REST: variants seen among roughly 807,000 people sequenced by gnomAD.
The protein encoded by REST is RE1 silencing transcription factor, also known as RE1-silencing transcription factor.
REST carries 1 observed loss-of-function variant against 30.4 expected under a neutral mutation model. That is an observed-to-expected ratio of 0.03 (90% CI 0.01 to 0.16). The LOEUF (loss-of-function observed/expected upper bound fraction) is 0.16, where lower values mean the gene tolerates loss of function less well. Ranked by LOEUF, REST falls within the 10% of genes least tolerant of loss-of-function variation. REST has a pLI of 1.00. For synonymous variants in REST, 504 were observed against 451.1 expected, an observed-to-expected ratio of 1.12 and a Z score of -1.49; for missense variants, 1,259 against 1,329.5, an observed-to-expected ratio of 0.95 and a Z score of 0.82.
At chr4:56,922,418 A>C (rs973044732) in intron 3 of REST, 3 of 151,340 alleles carry the variant, frequency 2.0e-5, no homozygotes, top group African/African-American at 7.3e-5. Flanking sequence ...GGTTCAAGCG[A>C]TTCTCCTGCC....
chr4:56,916,005 G>A (rs972208315), intron 2 of REST, among the ~76,000 whole-genome samples: 1 of 152,186 alleles, frequency 6.6e-6, no homozygotes, highest in African/African-American at 2.4e-5. Flanking sequence ...GGAGGATGAG[G>A]CAGGAGAATC....
At position 56,933,794 on chromosome 4, in the gene REST, A is replaced by T. The variant is rs753717050; in HGVS notation, c.*1642A>T. 1 of 152,176 alleles carries T rather than the reference A, an allele frequency of 6.6e-6. No individual in the cohort carries two copies. The highest frequency in any genetic ancestry group is 1.5e-5 in the Non-Finnish European group (1 of 68,020). 9.4% of individuals were successfully genotyped at this position (152,176 alleles called of 1,614,324 possible). On this transcript the variant is annotated 3_prime_UTR_variant, in exon 4 of 4. Coordinates refer to ENST00000309042, the MANE Select transcript of REST (RefSeq NM_005612.5). ...TTGCAGTAAAATAAAATATGATCCC[A>T]TTAGGGAATCTTGAATTCTGACCTC...
chr4:56,915,452 G>A (rs886511278), intron 2 of REST, among the ~76,000 whole-genome samples: 1 of 151,754 alleles, frequency 6.6e-6, no homozygotes, highest in Admixed American at 6.6e-5. Flanking sequence ...GTTTCACCAT[G>A]TTGGCCAGGC....
Position 56,907,994 on chromosome 4 carries a change from C to T in REST, c.-229C>T, listed in dbSNP as rs1719698030. On this transcript the variant is annotated 5_prime_UTR_variant, in exon 1 of 4. Transcript: ENST00000309042. ...CGCCGCCGAGGCCCGGGGCCCCAGACCCTGGCGGCGGCTGCCGCAGCCGAG... is the reference window on the plus strand; with the variant it reads ...CGCCGCCGAGGCCCGGGGCCCCAGATCCTGGCGGCGGCTGCCGCAGCCGAG... 2.7e-6 allele frequency: 1 copy of T among 367,758 alleles called. No homozygotes were observed. The highest frequency in any genetic ancestry group is 4.8e-6 in the Non-Finnish European group (1 of 206,318). 22.8% of individuals were successfully genotyped at this position (367,758 alleles called of 1,614,324 possible). A position where few individuals can be genotyped will look rare whatever the true frequency, so the allele number is the denominator to read the frequency against.
In REST at chr4:56,934,507, G is replaced by A. The variant is rs898273196; in HGVS notation, c.*2355G>A. The A allele has an allele frequency of 3.9e-5, 6 of 152,126 alleles. No individual in the cohort carries two copies. The highest frequency in any genetic ancestry group is 1.4e-4 in the African/African-American group (6 of 41,446). 9.4% of individuals were successfully genotyped at this position (152,126 alleles called of 1,614,324 possible). A position where few individuals can be genotyped will look rare whatever the true frequency, so the allele number is the denominator to read the frequency against. ...TTGTTACTGGAAATTTATTGGACTT[G>A]AGGCCTTCCTCCAGAAAATAAGGAC... On this transcript the variant is annotated 3_prime_UTR_variant, in exon 4 of 4. Coordinates refer to ENST00000309042, the MANE Select transcript of REST (RefSeq NM_005612.5).
At chr4:56,923,824 C>T (rs180761886) in intron 3 of REST, among the ~76,000 whole-genome samples, 25 of 151,992 alleles carry the variant, frequency 1.6e-4, no homozygotes, top group South Asian at 1.0e-3. Context: ...TAGGTTCAAG[C>T]GATTCTCCTG....
intron 3 of REST, among the ~76,000 whole-genome samples, chr4:56,926,861 C>A (rs1720734104): frequency 1.3e-5 from 2 of 151,744 alleles, no homozygotes; most frequent in South Asian, 4.2e-4. Flanking sequence ...CTTTGGGAGG[C>A]CGAGGAGGGT....
In REST at chr4:56,933,906, A is replaced by G. The variant is rs1215531115; in HGVS notation, c.*1754A>G. On this transcript the variant is annotated 3_prime_UTR_variant, in exon 4 of 4. Coordinates refer to ENST00000309042, the MANE Select transcript of REST (RefSeq NM_005612.5). ...TGAGGCAGGTTTCAGATTTGGCAGT[A>G]CAACATGAAAGATTAGGAAAAGCAT... The G allele has an allele frequency of 6.6e-6, 1 of 152,224 alleles. No homozygotes were observed. The highest frequency in any genetic ancestry group is 1.5e-5 in the Non-Finnish European group (1 of 68,030). 9.4% of individuals were successfully genotyped at this position (152,224 alleles called of 1,614,324 possible). A position where few individuals can be genotyped will look rare whatever the true frequency, so the allele number is the denominator to read the frequency against.
rs1006283329 is a variant in REST, at chr4:56,932,527, C to T, written c.*375C>T. On this transcript the variant is annotated 3_prime_UTR_variant, in exon 4 of 4. Coordinates refer to ENST00000309042, the MANE Select transcript of REST (RefSeq NM_005612.5). The stretch of plus-strand genomic sequence containing the variant: ...TTTATTGAGATCTATAAAAAATTGG[C>T]TTACTTAATAGCAAATTACTTGAAG... 1.9e-5 allele frequency: 3 copies of T among 159,588 alleles called. No individual in the cohort carries two copies. Among genetic ancestry groups the T allele is most frequent in the African/African-American group, 7.2e-5 (3 of 41,600 alleles). 9.9% of individuals were successfully genotyped at this position (159,588 alleles called of 1,614,324 possible).
At chr4:56,923,289 G>A (rs930069746) in intron 3 of REST, among the ~76,000 whole-genome samples, 2 of 152,134 alleles carry the variant, frequency 1.3e-5, no homozygotes, top group Non-Finnish European at 2.9e-5. Context: ...TGTTGTTTTT[G>A]GAGTTGGGGA....
chr4:56,928,591 T>C (rs1432451451), intron 3 of REST, among the ~76,000 whole-genome samples: 2 of 150,634 alleles, frequency 1.3e-5, no homozygotes, highest in Non-Finnish European at 3.0e-5. Flanking sequence ...AATTTTTTTT[T>C]TTTTTTCTTT....
chr4:56,909,102 G>A (rs1050754822), intron 1 of REST: 2 of 152,304 alleles, frequency 1.3e-5, no homozygotes, highest in African/African-American at 4.8e-5. Flanking sequence ...GCCTGGACTC[G>A]GGGAGGACTG....
chr4:56,919,184 C>T (rs140471527), intron 2 of REST, among the ~76,000 whole-genome samples: 4,364 of 151,866 alleles, frequency 0.029, 92 homozygotes, highest in Middle Eastern at 0.045. Flanking sequence ...GGATTTCAGG[C>T]GTGGGCCACC....
chr4:56,924,905 C>T (rs1001306227), intron 3 of REST, among the ~76,000 whole-genome samples: 3 of 152,072 alleles, frequency 2.0e-5, no homozygotes, highest in Non-Finnish European at 2.9e-5. Context: ...GTTGTTCACA[C>T]CTGTAATCCT....
rs1721111058 is a variant in REST at position 56,935,359 on chromosome 4, T to C, written c.*3207T>C. Reference sequence around the variant, plus strand: ...CTCAGCAGATGAAGTGAACAGATAGTGTTAATTCAGATTGAAGAAATTATC... The same window carrying C: ...CTCAGCAGATGAAGTGAACAGATAGCGTTAATTCAGATTGAAGAAATTATC... On this transcript the variant is annotated 3_prime_UTR_variant, in exon 4 of 4. Coordinates refer to ENST00000309042, the MANE Select transcript of REST (RefSeq NM_005612.5). 1.3e-5 allele frequency: 2 copies of C among 152,218 alleles called. No individual in the cohort carries two copies. Among genetic ancestry groups the C allele is most frequent in the Admixed American group, 1.3e-4 (2 of 15,278 alleles). 9.4% of individuals were successfully genotyped at this position (152,218 alleles called of 1,614,324 possible). A position where few individuals can be genotyped will look rare whatever the true frequency, so the allele number is the denominator to read the frequency against.
At chr4:56,913,979 A>C (rs1720053096) in intron 2 of REST, among the ~76,000 whole-genome samples, 1 of 149,276 alleles carries the variant, frequency 6.7e-6, no homozygotes, top group East Asian at 2.0e-4. Flanking sequence ...TTTGTCACCC[A>C]TCCTGGAGTG....
At chr4:56,918,670 G>A (rs140797277) in intron 2 of REST, among the ~76,000 whole-genome samples, 94 of 151,894 alleles carry the variant, frequency 6.2e-4, no homozygotes, top group African/African-American at 2.0e-3. Flanking sequence ...TGATCCTCCC[G>A]CGTCAGCCTC....
intron 2 of REST, among the ~76,000 whole-genome samples, chr4:56,919,420 C>G (rs528901111): frequency 6.6e-6 from 1 of 151,900 alleles, no homozygotes; most frequent in Non-Finnish European, 1.5e-5. Context: ...TCAGACAGTT[C>G]AGGTAGATTT....
chr4:56,922,732 T>C (rs1466610885), intron 3 of REST, among the ~76,000 whole-genome samples: 2 of 152,250 alleles, frequency 1.3e-5, no homozygotes, highest in Admixed American at 6.5e-5. Context: ...CGACCTTTTT[T>C]CCTGTAGAAT....
Sources: allele counts gnomAD v4.1 joint callset (sites outside exome capture counted in the v4.1 genomes callset), GRCh38; gene constraint gnomAD v4.1.1; transcripts MANE v1.5; gene names NCBI Gene and HGNC (gene_info 2026-07-23, HGNC 2026-07-21).